PPARA: variants seen among roughly 807,000 people sequenced by gnomAD.
The protein encoded by PPARA is peroxisome proliferator-activated receptor alpha.
Under a neutral mutation model 42.2 loss-of-function variants are expected in PPARA, and 22 were observed. The observed-to-expected ratio is 0.52, with a 90% confidence interval of 0.37 to 0.74. The LOEUF is 0.74. Ranked by LOEUF, PPARA falls within the 30% of genes least tolerant of loss-of-function variation. PPARA has a pLI of 0.00. For missense variants in PPARA, 465 were observed against 608.2 expected, an observed-to-expected ratio of 0.76 and a Z score of 2.48; for synonymous variants, 242 against 239.3, an observed-to-expected ratio of 1.01 and a Z score of -0.10.
chr22:46,166,705 C>G lies in PPARA; in HGVS notation c.-126-10048C>G, dbSNP rs572449614. Among the ~76,000 whole-genome samples, 4 of 151,584 alleles carry G rather than the reference C, an allele frequency of 2.6e-5. No individual in the cohort carries two copies. In the East Asian group the frequency reaches 7.7e-4, roughly 29 times the overall value. On this transcript the variant is annotated intron_variant, in intron 2 of 8. Coordinates refer to ENST00000407236, the MANE Select transcript of PPARA (RefSeq NM_005036.6). Reference sequence around the variant, plus strand: ...ATGCGCGAGGCCTGTACACTGTAATCTACAAAACACTGCTGAGAGAAATTT... The same window carrying G: ...ATGCGCGAGGCCTGTACACTGTAATGTACAAAACACTGCTGAGAGAAATTT...
At chr22:46,208,353 G>T (rs1306073920) in intron 4 of PPARA, among the ~76,000 whole-genome samples, 1 of 152,000 alleles carries the variant, frequency 6.6e-6, no homozygotes, top group African/African-American at 2.4e-5. Context: ...TTCAAGACTA[G>T]CCTGGCCAAC....
intron 4 of PPARA, among the ~76,000 whole-genome samples, chr22:46,209,742 CT>C (rs1569229987): frequency 6.6e-6 from 1 of 152,030 alleles, no homozygotes; most frequent in Non-Finnish European, 1.5e-5. Flanking sequence ...GTCAGAATAA[CT>C]TTTTTTGCTG....
intron 4 of PPARA, 65 bp downstream of exon 4, chr22:46,198,656 CTCTT>C (rs1305799447): frequency 8.0e-6 from 8 of 1,000,802 alleles, no homozygotes; most frequent in Admixed American, 2.5e-5. Context: ...AAACTGTTCT[CTCTT>C]TTTTTTTTTT....
At position 46,221,324 on chromosome 22, in the gene PPARA, G is replaced by A. The variant is rs886336718; in HGVS notation, c.711+1310G>A. On this transcript the variant is annotated intron_variant, in intron 7 of 8. Transcript: ENST00000407236. This position sits in a 1 kb window ranked among gnomAD's most constrained non-coding sequence, Gnocchi z 5.9. ...CACTGGGGATTACAGTTCACCATGAGATTTGGGTGGGGACACAGAGCCAAA... is the reference window on the plus strand; with the variant it reads ...CACTGGGGATTACAGTTCACCATGAAATTTGGGTGGGGACACAGAGCCAAA... 2.0e-5 allele frequency among the ~76,000 whole-genome samples: 3 copies of A among 152,212 alleles called. No individual in the cohort carries two copies. Among genetic ancestry groups the A allele is most frequent in the African/African-American group, 7.2e-5 (3 of 41,460 alleles).
At chr22:46,158,413 C>G (rs1300536926) in intron 2 of PPARA, among the ~76,000 whole-genome samples, 1 of 152,064 alleles carries the variant, frequency 6.6e-6, no homozygotes, top group Non-Finnish European at 1.5e-5. Flanking sequence ...AGTTTTTTTG[C>G]ATTTGTTTGT....
In PPARA at chr22:46,183,740, CCAAAA is replaced by C. The variant is rs776110576; in HGVS notation, c.-43+6925_-43+6929del. Among the ~76,000 whole-genome samples the C allele has an allele frequency of 2.6e-5, 4 of 151,982 alleles. No homozygotes were observed. Among genetic ancestry groups the C allele is most frequent in the African/African-American group, 9.7e-5 (4 of 41,356 alleles). On this transcript the variant is annotated intron_variant, in intron 3 of 8. Coordinates refer to ENST00000407236, the MANE Select transcript of PPARA (RefSeq NM_005036.6). The surrounding 1 kb of genome is among the most constrained non-coding windows in gnomAD (Gnocchi z 5.5). Reference sequence around the variant, plus strand: ...TGGGTGAAAGAAGGAAACTCTGTGTCCAAAACAAAACAAAACAAAACAAAAAAAGC... The same window carrying C: ...TGGGTGAAAGAAGGAAACTCTGTGTCCAAAACAAAACAAAACAAAAAAAGC...
At position 46,222,914 on chromosome 22, in the gene PPARA, A is replaced by C. The variant is rs1935112705; in HGVS notation, c.711+2900A>C. Among the ~76,000 whole-genome samples the C allele has an allele frequency of 6.6e-6, 1 of 152,206 alleles. No homozygotes were observed. On this transcript the variant is annotated intron_variant, in intron 7 of 8. Coordinates refer to ENST00000407236, the MANE Select transcript of PPARA (RefSeq NM_005036.6). The surrounding 1 kb of genome is among the most constrained non-coding windows in gnomAD (Gnocchi z 5.9). ...GTGGCATGTGCCTGTGGTCCCAGGT[A>C]CTTGGGAAGCTGAGATGGGAGGATG...
At position 46,221,646 on chromosome 22, in the gene PPARA, A is replaced by G. The variant is rs1304927845; in HGVS notation, c.711+1632A>G. Among the ~76,000 whole-genome samples, 1 of 151,970 alleles carries G rather than the reference A, an allele frequency of 6.6e-6. No homozygotes were observed. The highest frequency in any genetic ancestry group is 1.5e-5 in the Non-Finnish European group (1 of 67,992). On this transcript the variant is annotated intron_variant, in intron 7 of 8. Coordinates refer to ENST00000407236, the MANE Select transcript of PPARA (RefSeq NM_005036.6). This position sits in a 1 kb window ranked among gnomAD's most constrained non-coding sequence, Gnocchi z 5.9. ...AACACCATCTCCACTAAAAATACAA[A>G]AAATTAGCCGGGCGTGGTGGCGGGC...
chr22:46,197,928 A>T (rs955117305), intron 3 of PPARA, among the ~76,000 whole-genome samples: 29 of 150,864 alleles, frequency 1.9e-4, no homozygotes, highest in African/African-American at 6.8e-4. Context: ...ATTAAAAATT[A>T]AAATTTAAAA....
At chr22:46,155,008 AAAAAAAAAAAAAAAAAAAAC>A (rs1352565393) in intron 2 of PPARA, 6 of 141,268 alleles carry the variant, frequency 4.2e-5, no homozygotes, top group South Asian at 2.1e-4. Context: ...AAAAAAAAAA[AAAAAAAAAAAAAAAAAAAAC>A]CACATTAATT....
chr22:46,154,866 G>A (rs1273083918), intron 2 of PPARA: 1 of 150,234 alleles, frequency 6.7e-6, no homozygotes, highest in Non-Finnish European at 1.5e-5. Context: ...CAGAGACGGG[G>A]TCTTGCTATG....
At position 46,195,889 on chromosome 22, in the gene PPARA, T is replaced by C. The variant is rs1442863376; in HGVS notation, c.-42-2453T>C. ...GTTCTGGAAGCTAAAGGTCACCTAG[T>C]CAGCCTCGTTGGGTGATTGATGACT... is the stretch of plus-strand genomic sequence containing the variant. On this transcript the variant is annotated intron_variant, in intron 3 of 8. Coordinates refer to ENST00000407236, the MANE Select transcript of PPARA (RefSeq NM_005036.6). The surrounding 1 kb of genome is among the most constrained non-coding windows in gnomAD (Gnocchi z 4.6). Among the ~76,000 whole-genome samples, 4 of 152,190 alleles carry C rather than the reference T, an allele frequency of 2.6e-5. No homozygotes were observed. In the East Asian group the frequency reaches 7.7e-4, roughly 29 times the overall value.
At chr22:46,157,387 C>T (rs560048004) in intron 2 of PPARA, among the ~76,000 whole-genome samples, 18 of 152,202 alleles carry the variant, frequency 1.2e-4, no homozygotes, top group African/African-American at 2.6e-4. Flanking sequence ...CCCACCGCAG[C>T]GAAATTGTCC....
rs1462193339 is a variant in PPARA, at chr22:46,219,451, A to G, written c.509-361A>G. ...AGTTGCATGTCTACCTTCTGGAAAA[A>G]GAAGCAGTTATTATATAAACTCATC... is the stretch of plus-strand genomic sequence containing the variant. On this transcript the variant is annotated intron_variant, in intron 6 of 8. Transcript: ENST00000407236. This position sits in a 1 kb window ranked among gnomAD's most constrained non-coding sequence, Gnocchi z 4.8. 1.3e-5 allele frequency among the ~76,000 whole-genome samples: 2 copies of G among 152,220 alleles called. No homozygotes were observed. Among genetic ancestry groups the G allele is most frequent in the African/African-American group, 2.4e-5 (1 of 41,458 alleles).
rs1936322910 is a variant in PPARA, at chr22:46,239,724, G to A, written c.*4344G>A. ...CACGAGGAAGCCACTTCCTCAGAGA[G>A]ACCCTACCAGATGCGGATGGAAACA... On this transcript the variant is annotated 3_prime_UTR_variant, in exon 9 of 9. Transcript: ENST00000407236. The A allele has an allele frequency of 6.9e-6, 1 of 144,706 alleles. No homozygotes were observed. The highest frequency in any genetic ancestry group is 2.4e-4 in the South Asian group (1 of 4,250). 9.0% of individuals were successfully genotyped at this position (144,706 alleles called of 1,614,324 possible). A position where few individuals can be genotyped will look rare whatever the true frequency, so the allele number is the denominator to read the frequency against.
At position 46,242,626 on chromosome 22, in the gene PPARA, A is replaced by G. The variant is rs1033361739; in HGVS notation, c.*7246A>G. ...GAAACATTTGGATTCTTTTGAAATC[A>G]GTGTTAATTGACTCATATTCTTAAA... On this transcript the variant is annotated 3_prime_UTR_variant, in exon 9 of 9. Coordinates refer to ENST00000407236, the MANE Select transcript of PPARA (RefSeq NM_005036.6). The surrounding 1 kb of genome is among the most constrained non-coding windows in gnomAD (Gnocchi z 6.1). 2 of 152,602 alleles carry G rather than the reference A, an allele frequency of 1.3e-5. No individual in the cohort carries two copies. Among genetic ancestry groups the G allele is most frequent in the Non-Finnish European group, 2.9e-5 (2 of 68,040 alleles). The allele number at this position is 152,602 out of a possible 1,614,324, so 9.5% of individuals were successfully genotyped here.
chr22:46,177,218 A>AAAAT (rs1443488491), intron 3 of PPARA, among the ~76,000 whole-genome samples: 2 of 151,926 alleles, frequency 1.3e-5, no homozygotes, highest in African/African-American at 4.8e-5. Context: ...CTCAAAAAAT[A>AAAAT]AAATAAAATA....
rs73886762 is a variant in PPARA at position 46,211,158 on chromosome 22, G to A, written c.209-4015G>A. Among the ~76,000 whole-genome samples the A allele has an allele frequency of 3.3e-3, 501 of 152,284 alleles. 2 individuals are homozygous for A. Among genetic ancestry groups the A allele is most frequent in the African/African-American group, 0.011 (472 of 41,562 alleles). On this transcript the variant is annotated intron_variant, in intron 4 of 8. Coordinates refer to ENST00000407236, the MANE Select transcript of PPARA (RefSeq NM_005036.6). The surrounding 1 kb of genome is among the most constrained non-coding windows in gnomAD (Gnocchi z 4.1). Reference sequence around the variant, plus strand: ...TACATACTAACCTATGTCTATACAGGAATCTATCGGTATTTCTGTCTGTGG... The same window carrying A: ...TACATACTAACCTATGTCTATACAGAAATCTATCGGTATTTCTGTCTGTGG...
rs1381698027 is a variant in PPARA at position 46,182,806 on chromosome 22, A to C, written c.-43+5970A>C. Among the ~76,000 whole-genome samples, 1 of 152,140 alleles carries C rather than the reference A, an allele frequency of 6.6e-6. No homozygotes were observed. Among genetic ancestry groups the C allele is most frequent in the African/African-American group, 2.4e-5 (1 of 41,442 alleles). ...ATCGTCCAGGCTGGAGTGCAATGGC[A>C]CCGTCTCAGAGCACTGTAACCTCCG... On this transcript the variant is annotated intron_variant, in intron 3 of 8. Coordinates refer to ENST00000407236, the MANE Select transcript of PPARA (RefSeq NM_005036.6). The surrounding 1 kb of genome is among the most constrained non-coding windows in gnomAD (Gnocchi z 5.2).
Sources: allele counts gnomAD v4.1 joint callset (sites outside exome capture counted in the v4.1 genomes callset), GRCh38; gene constraint gnomAD v4.1.1; non-coding constraint Gnocchi (gnomAD v3.1); transcripts MANE v1.5; gene names NCBI Gene and HGNC (gene_info 2026-07-23, HGNC 2026-07-21).